Variants in PLCB1 observed in about 807,000 individuals in gnomAD.
PLCB1 encodes the protein phospholipase C beta 1, also known as 1-phosphatidylinositol 4,5-bisphosphate phosphodiesterase beta-1.
PLCB1 carries 46 observed loss-of-function variants against 161.8 expected under a neutral mutation model. The ratio of observed to expected loss-of-function variants is 0.28; its 90% CI spans 0.22 to 0.36. The LOEUF (loss-of-function observed/expected upper bound fraction) is 0.36. PLCB1 is among the 10% of genes least tolerant of loss of function. PLCB1 has a pLI of 1.00. For synonymous variants in PLCB1, 517 were observed against 503.7 expected (o/e 1.03, Z -0.35); for missense variants, 1,016 against 1,472.5 (o/e 0.69, Z 5.07).
intron 1 of PLCB1, among the ~76,000 whole-genome samples, chr20:8,146,025 C>T (rs952034440): frequency 5.3e-5 from 8 of 152,032 alleles, no homozygotes; most frequent in African/African-American, 1.4e-4. Flanking sequence ...CCATTCTCAA[C>T]AGGGGCCATG....
chr20:8,853,356 C>T (rs551470687), intron 31 of PLCB1, among the ~76,000 whole-genome samples: 24 of 152,292 alleles, frequency 1.6e-4, no homozygotes, highest in Non-Finnish European at 2.8e-4. Flanking sequence ...CCAGAAACTT[C>T]CCTCGTGCTC....
chr20:8,579,127 C>A (rs6077380), intron 3 of PLCB1, among the ~76,000 whole-genome samples: 1 of 152,218 alleles, frequency 6.6e-6, no homozygotes, highest in East Asian at 1.9e-4. Flanking sequence ...GATCCATGCC[C>A]TTAGACATGT....
Position 8,856,060 on chromosome 20 carries a change from C to G in PLCB1, c.3424-25562C>G, listed in dbSNP as rs149380092. ...AAAAACTACAATACTGGTTTCTCCC[C>G]CTCTGGTACCCTGGCCTTTCATTCT... On this transcript the variant is annotated intron_variant, in intron 31 of 31. Transcript: ENST00000338037. Among the ~76,000 whole-genome samples the G allele has an allele frequency of 3.2e-3, 494 of 152,238 alleles. 6 individuals carry two copies. The highest frequency in any genetic ancestry group is 0.011 in the African/African-American group (464 of 41,544).
intron 30 of PLCB1, 78 bp downstream of exon 30, chr20:8,789,653 G>A: frequency 9.4e-7 from 1 of 1,069,310 alleles, no homozygotes; most frequent in Admixed American, 1.7e-5. Flanking sequence ...CTTCTGGAAG[G>A]AAATGTCATG....
In PLCB1 at chr20:8,628,427, C is replaced by T; in HGVS notation, c.380C>T (p.Ala127Val). The change falls in exon 4 of 32, where the codon GCC (alanine) becomes GTC (valine). Residue 127 changes from alanine to valine, a missense_variant. By Grantham distance (64) the Ala-to-Val change is moderately conservative (BLOSUM62 0). Transcript: ENST00000338037. ...LNLVAFQEEVAKEWTNEVFSL... is the reference protein window; with the variant it reads ...LNLVAFQEEVVKEWTNEVFSL... ...CTCGTGGCTTTCCAAGAAGAAGTGG[C>T]CAAGGTATGGTGGATGGAAATTGCT... The T allele has an allele frequency of 6.2e-7, 1 of 1,613,932 alleles. No individual in the cohort carries two copies. The highest frequency in any genetic ancestry group is 8.5e-7 in the Non-Finnish European group (1 of 1,179,944).
chr20:8,811,836 C>T (rs1456300033), intron 31 of PLCB1, among the ~76,000 whole-genome samples: 1 of 152,186 alleles, frequency 6.6e-6, no homozygotes, highest in Admixed American at 6.5e-5. Context: ...AGTATTTACT[C>T]AGCCTCCTAT....
chr20:8,470,471 T>G (rs1218421989), intron 3 of PLCB1, among the ~76,000 whole-genome samples: 8 of 152,212 alleles, frequency 5.3e-5, no homozygotes, highest in African/African-American at 1.9e-4. Context: ...AAATGGTATC[T>G]TGTTGTGGTT....
intron 2 of PLCB1, among the ~76,000 whole-genome samples, chr20:8,243,652 C>A (rs1217998275): frequency 6.6e-6 from 1 of 151,824 alleles, no homozygotes; most frequent in African/African-American, 2.4e-5. Context: ...TTCCTAAAAA[C>A]CACTCTATTT....
rs74336400 is a variant in PLCB1, at chr20:8,822,889, G to T, written c.3423+32628G>T. The stretch of plus-strand genomic sequence containing the variant: ...GCTCAGTCAGCCCTTTGTATCCATG[G>T]GTTCCACATCCATGGACTCAACCAA... On this transcript the variant is annotated intron_variant, in intron 31 of 31. Transcript: ENST00000338037. Among the ~76,000 whole-genome samples the T allele has an allele frequency of 4.3e-3, 650 of 152,122 alleles. 4 individuals are homozygous for T. Among genetic ancestry groups the T allele is most frequent in the African/African-American group, 0.015 (620 of 41,476 alleles).
intron 2 of PLCB1, among the ~76,000 whole-genome samples, chr20:8,265,637 A>G (rs1353278164): frequency 2.0e-5 from 3 of 152,186 alleles, no homozygotes; most frequent in Non-Finnish European, 4.4e-5. Context: ...ATTCTGCAAC[A>G]TATGAACTTC....
chr20:8,363,949 T>C (rs1043879958), intron 2 of PLCB1, among the ~76,000 whole-genome samples: 2 of 152,250 alleles, frequency 1.3e-5, no homozygotes, highest in African/African-American at 2.4e-5. Context: ...CTTGGTATGC[T>C]GGTTCTCCAT....
intron 2 of PLCB1, among the ~76,000 whole-genome samples, chr20:8,182,493 G>A (rs2051854219): frequency 1.3e-5 from 2 of 151,972 alleles, no homozygotes; most frequent in Non-Finnish European, 2.9e-5. Context: ...GCCAGAAGAT[G>A]AAAGATCATG....
intron 3 of PLCB1, among the ~76,000 whole-genome samples, chr20:8,500,974 T>A (rs1213354694): frequency 6.6e-6 from 1 of 152,186 alleles, no homozygotes; most frequent in East Asian, 1.9e-4. Context: ...TGACTATTGG[T>A]ACTTGTATTC....
intron 8 of PLCB1, among the ~76,000 whole-genome samples, chr20:8,657,952 C>T (rs1359939696): frequency 6.6e-6 from 1 of 152,086 alleles, no homozygotes; most frequent in Admixed American, 6.6e-5. Context: ...ATTGCATATT[C>T]TTGCTTTGTG....
intron 2 of PLCB1, among the ~76,000 whole-genome samples, chr20:8,234,719 G>T (rs1250676138): frequency 6.6e-6 from 1 of 151,904 alleles, no homozygotes; most frequent in African/African-American, 2.4e-5. Flanking sequence ...TGTGGATTTG[G>T]CAATGGTTGA....
chr20:8,629,216 T>G (rs1308764087), intron 4 of PLCB1, among the ~76,000 whole-genome samples: 1 of 151,990 alleles, frequency 6.6e-6, no homozygotes, highest in Non-Finnish European at 1.5e-5. Context: ...AATGAAAAAC[T>G]AACAGTTTAA....
intron 3 of PLCB1, among the ~76,000 whole-genome samples, chr20:8,538,602 G>C (rs1410736886): frequency 1.3e-5 from 2 of 152,002 alleles, no homozygotes; most frequent in Non-Finnish European, 2.9e-5. Flanking sequence ...TCCTGCCTTG[G>C]GCTACTAAAG....
chr20:8,733,217 G>T, intron 18 of PLCB1, 21 bp from the exon 19 acceptor site: 1 of 1,611,826 alleles, frequency 6.2e-7, no homozygotes, highest in Non-Finnish European at 8.5e-7. Flanking sequence ...TCACAATAAG[G>T]CTTGTGTTTT....
intron 30 of PLCB1, 90 bp downstream of exon 30, chr20:8,789,665 C>A: frequency 2.0e-6 from 2 of 979,906 alleles, no homozygotes; most frequent in Non-Finnish European, 1.6e-6. Flanking sequence ...AATGTCATGC[C>A]TTGCCATAAC....
Sources: allele counts gnomAD v4.1 joint callset (sites outside exome capture counted in the v4.1 genomes callset), GRCh38; gene constraint gnomAD v4.1.1; transcripts MANE v1.5; gene names NCBI Gene and HGNC (gene_info 2026-07-23, HGNC 2026-07-21).